Variants in HMBOX1 observed in about 807,000 individuals in gnomAD.
The protein encoded by HMBOX1 is homeobox containing 1.
In HMBOX1, 14 loss-of-function variants were observed where a neutral mutation model predicts 54.5. The ratio of observed to expected loss-of-function variants is 0.26; its 90% CI spans 0.17 to 0.40. HMBOX1 has a LOEUF of 0.40. HMBOX1 is among the 10% of genes least tolerant of loss of function. The pLI is 1.00. For synonymous variants in HMBOX1, 160 were observed against 181.0 expected, an observed-to-expected ratio of 0.88 and a Z score of 0.93; for missense variants, 332 against 514.4, an observed-to-expected ratio of 0.65 and a Z score of 3.43.
Position 28,970,768 on chromosome 8 carries a change from G to C in HMBOX1, c.500+249G>C. 1 of 387,304 alleles carries C rather than the reference G, an allele frequency of 2.6e-6. No homozygotes were observed. The highest frequency in any genetic ancestry group is 4.6e-6 in the Non-Finnish European group (1 of 216,728). The allele number at this position is 387,304 out of a possible 1,614,324, so 24.0% of individuals were successfully genotyped here. ...CTGCTTGACAAGCCTTTTCCATTCT[G>C]TTTATCAAACACTAATCTTCTCTAT... On this transcript the variant is annotated intron_variant, in intron 3 of 9. Transcript: ENST00000287701. The surrounding 1 kb of genome is among the most constrained non-coding windows in gnomAD (Gnocchi z 4.3).
intron 1 of HMBOX1, among the ~76,000 whole-genome samples, chr8:28,894,285 A>ATT (rs1811620550): frequency 6.6e-6 from 1 of 152,176 alleles, no homozygotes; most frequent in African/African-American, 2.4e-5. Flanking sequence ...CATACATAAA[A>ATT]TACTTTTATG....
intron 6 of HMBOX1, among the ~76,000 whole-genome samples, chr8:29,029,796 A>G (rs548460165): frequency 1.3e-5 from 2 of 152,356 alleles, no homozygotes; most frequent in East Asian, 1.9e-4. Context: ...TATGTGGTAA[A>G]CATTTATTGA....
chr8:28,936,563 T>C (rs1366794523), intron 1 of HMBOX1, among the ~76,000 whole-genome samples: 1 of 152,044 alleles, frequency 6.6e-6, no homozygotes, highest in Non-Finnish European at 1.5e-5. Context: ...AAATAAAAGA[T>C]AGTTAAGTGG....
intron 3 of HMBOX1, among the ~76,000 whole-genome samples, chr8:28,974,034 A>G (rs6980738): frequency 0.62 from 94,209 of 151,572 alleles, 29,615 homozygotes; most frequent in East Asian, 0.75. Flanking sequence ...GGCTGGTCTC[A>G]AACTCCTGGC....
chr8:28,921,798 A>G (rs1817610746), intron 1 of HMBOX1, among the ~76,000 whole-genome samples: 1 of 152,248 alleles, frequency 6.6e-6, no homozygotes, highest in South Asian at 2.1e-4. Flanking sequence ...CTAAATAAGT[A>G]AAATACAAAA....
chr8:28,933,256 C>T (rs945580508), intron 1 of HMBOX1, among the ~76,000 whole-genome samples: 5 of 152,172 alleles, frequency 3.3e-5, no homozygotes, highest in Admixed American at 2.0e-4. Flanking sequence ...CCACACTCTC[C>T]AAGTCCATGA....
chr8:29,010,294 T>C, intron 5 of HMBOX1: 1 of 377,006 alleles, frequency 2.7e-6, no homozygotes, highest in Non-Finnish European at 3.6e-6. Context: ...GCGCAGTGGC[T>C]CACGCCTGTA....
chr8:28,972,130 C>A (rs533507266), intron 3 of HMBOX1, among the ~76,000 whole-genome samples: 1 of 152,234 alleles, frequency 6.6e-6, no homozygotes, highest in South Asian at 2.1e-4. Flanking sequence ...TATCTGGATT[C>A]CAGATACAGT....
intron 5 of HMBOX1, among the ~76,000 whole-genome samples, chr8:29,016,839 A>G (rs1039660796): frequency 2.0e-5 from 3 of 152,250 alleles, no homozygotes; most frequent in Non-Finnish European, 4.4e-5. Flanking sequence ...TCCAAGACAG[A>G]TGTCATAGTG....
intron 1 of HMBOX1, among the ~76,000 whole-genome samples, chr8:28,913,860 T>C (rs1285166583): frequency 6.7e-6 from 1 of 148,516 alleles, no homozygotes; most frequent in Non-Finnish European, 1.5e-5. Context: ...TGATTCTTTT[T>C]TTTTTTTTTT....
chr8:29,049,474 C>A, intron 9 of HMBOX1: 1 of 1,467,304 alleles, frequency 6.8e-7, no homozygotes, highest in Non-Finnish European at 9.0e-7. Context: ...AAACACGTAC[C>A]GACGCAGGGC....
At chr8:29,049,133 T>C (rs1398423928) in intron 9 of HMBOX1, 85 bp downstream of exon 9, 1 of 1,432,446 alleles carries the variant, frequency 7.0e-7, no homozygotes, top group Non-Finnish European at 9.7e-7. Flanking sequence ...GTGTGGCTGA[T>C]GGGGTGGGGG....
At position 29,052,076 on chromosome 8, in the gene HMBOX1, G is replaced by T; in HGVS notation, c.*921G>T. The T allele has an allele frequency of 6.4e-6, 1 of 155,102 alleles. No individual in the cohort carries two copies. The highest frequency in any genetic ancestry group is 1.4e-5 in the Non-Finnish European group (1 of 69,724). 9.6% of individuals were successfully genotyped at this position (155,102 alleles called of 1,614,324 possible). On this transcript the variant is annotated 3_prime_UTR_variant, in exon 10 of 10. Transcript: ENST00000287701. ...GTGGAAGTTGCTTTGCCTCCTGTCA[G>T]TGTCCCCTTTCCCTGCTACCAAAAA...
intron 1 of HMBOX1, among the ~76,000 whole-genome samples, chr8:28,930,168 C>T (rs1819240124): frequency 6.6e-6 from 1 of 152,020 alleles, no homozygotes; most frequent in Non-Finnish European, 1.5e-5. Context: ...GAACCAGACT[C>T]TTTACTACTA....
At chr8:28,997,352 A>G (rs1356252002) in intron 4 of HMBOX1, among the ~76,000 whole-genome samples, 1 of 152,138 alleles carries the variant, frequency 6.6e-6, no homozygotes, top group Non-Finnish European at 1.5e-5. Context: ...TGTGTCTATT[A>G]AAATAGTTAT....
chr8:28,925,118 TA>T (rs570522209), intron 1 of HMBOX1, among the ~76,000 whole-genome samples: 120 of 152,134 alleles, frequency 7.9e-4, no homozygotes, highest in Non-Finnish European at 1.4e-3. Context: ...AATTTTTAAT[TA>T]AAAAATTAAA....
chr8:28,960,447 A>G (rs1825258449), intron 1 of HMBOX1, among the ~76,000 whole-genome samples: 1 of 151,866 alleles, frequency 6.6e-6, no homozygotes, highest in African/African-American at 2.4e-5. Context: ...TTTGTGATCA[A>G]TTATGGTAAT....
intron 1 of HMBOX1, among the ~76,000 whole-genome samples, chr8:28,953,363 C>T (rs1343931340): frequency 6.6e-6 from 1 of 152,100 alleles, no homozygotes; most frequent in Non-Finnish European, 1.5e-5. Context: ...AACTGTTTGG[C>T]ATGAGTGCAA....
intron 3 of HMBOX1, among the ~76,000 whole-genome samples, chr8:28,976,076 T>C (rs1828304469): frequency 2.6e-5 from 4 of 152,338 alleles, no homozygotes; most frequent in Admixed American, 2.0e-4. Flanking sequence ...TTTAGTATTT[T>C]GAAAATACCT....
Sources: gnomAD v4.1 joint callset for allele counts (sites outside exome capture counted in the v4.1 genomes callset) on GRCh38, gnomAD v4.1.1 for gene constraint, Gnocchi (gnomAD v3.1) non-coding constraint, MANE v1.5 for transcripts, NCBI Gene and HGNC (gene_info 2026-07-23, HGNC 2026-07-21) for gene names.